PPP3CA: variants seen among roughly 807,000 people sequenced by gnomAD.
PPP3CA encodes the protein protein phosphatase 3 catalytic subunit alpha.
PPP3CA carries 14 observed loss-of-function variants against 66.5 expected under a neutral mutation model. That is an observed-to-expected ratio of 0.21 (90% CI 0.14 to 0.33). PPP3CA has a LOEUF of 0.33. Ranked by LOEUF, PPP3CA falls within the 10% of genes least tolerant of loss-of-function variation. The pLI, the probability that PPP3CA is intolerant of heterozygous loss-of-function variation, is 1.00. For synonymous variants in PPP3CA, 232 were observed against 226.2 expected (o/e 1.03, Z -0.23); for missense variants, 317 against 639.5 (o/e 0.50, Z 5.44).
At position 101,067,597 on chromosome 4, in the gene PPP3CA, T is replaced by G. The variant is rs377338094; in HGVS notation, c.956-4240A>C. 2.6e-4 allele frequency among the ~76,000 whole-genome samples: 38 copies of G among 143,734 alleles called. No individual in the cohort carries two copies. The East Asian group carries it at 7.2e-3, about 27-fold the overall frequency. 94.3% of individuals were successfully genotyped at this position (143,734 alleles called of 152,430 possible). ...CATGAAAACATTTCGCAACATGCTCTCTACAATTTCCATCACCCAGGGAAA... is the reference window on the plus strand; with the variant it reads ...CATGAAAACATTTCGCAACATGCTCGCTACAATTTCCATCACCCAGGGAAA... On this transcript the variant is annotated intron_variant, in intron 8 of 13. Transcript: ENST00000394854.
chr4:101,047,113 T>C (rs1334759578), intron 10 of PPP3CA, among the ~76,000 whole-genome samples: 2 of 152,178 alleles, frequency 1.3e-5, no homozygotes, highest in East Asian at 3.9e-4. Flanking sequence ...TAACAAACCT[T>C]GAGCTCTTAT....
At chr4:101,125,493 A>T (rs796540702) in intron 2 of PPP3CA, among the ~76,000 whole-genome samples, 19 of 152,112 alleles carry the variant, frequency 1.2e-4, no homozygotes, top group African/African-American at 4.3e-4. Flanking sequence ...CACTGCATCC[A>T]GGGAATGGTG....
chr4:101,299,678 C>T (rs977386825), intron 1 of PPP3CA, among the ~76,000 whole-genome samples: 1 of 152,094 alleles, frequency 6.6e-6, no homozygotes, highest in Non-Finnish European at 1.5e-5. Flanking sequence ...CTTTGGAATG[C>T]TAAAGGACAG....
At chr4:101,085,557 T>G (rs1440446603) in intron 6 of PPP3CA, among the ~76,000 whole-genome samples, 1 of 152,152 alleles carries the variant, frequency 6.6e-6, no homozygotes, top group Non-Finnish European at 1.5e-5. Context: ...CATTATTGAC[T>G]TGGAGGGAAT....
At chr4:101,102,512 G>T (rs1021412776) in intron 3 of PPP3CA, among the ~76,000 whole-genome samples, 1 of 152,104 alleles carries the variant, frequency 6.6e-6, no homozygotes, top group Non-Finnish European at 1.5e-5. Flanking sequence ...GGAAGAAGTG[G>T]CATGGTAAAT....
At chr4:101,168,771 C>A (rs1245543202) in intron 2 of PPP3CA, among the ~76,000 whole-genome samples, 1 of 152,172 alleles carries the variant, frequency 6.6e-6, no homozygotes, top group African/African-American at 2.4e-5. Flanking sequence ...ATATATACGT[C>A]TCCTTAAAAA....
chr4:101,278,646 C>T (rs1286643955), intron 1 of PPP3CA, among the ~76,000 whole-genome samples: 1 of 152,182 alleles, frequency 6.6e-6, no homozygotes, highest in African/African-American at 2.4e-5. Context: ...TGAGGTGTGT[C>T]GGCAATGTTA....
intron 7 of PPP3CA, among the ~76,000 whole-genome samples, chr4:101,082,226 A>G (rs928546606): frequency 2.0e-5 from 3 of 152,224 alleles, no homozygotes; most frequent in Admixed American, 2.0e-4. Context: ...ATCAGCTACA[A>G]AACAGTGAGT....
At chr4:101,173,309 A>G (rs555472870) in intron 2 of PPP3CA, among the ~76,000 whole-genome samples, 48 of 152,098 alleles carry the variant, frequency 3.2e-4, no homozygotes, top group Non-Finnish European at 4.1e-4. Flanking sequence ...GCCTGTGGTA[A>G]GAGAGAGGCT....
intron 2 of PPP3CA, among the ~76,000 whole-genome samples, chr4:101,161,287 A>G (rs1723499806): frequency 6.6e-6 from 1 of 152,128 alleles, no homozygotes. Flanking sequence ...ATTTCTCAGG[A>G]TGTTTCCCTG....
intron 1 of PPP3CA, among the ~76,000 whole-genome samples, chr4:101,262,244 A>C (rs1435322187): frequency 1.3e-5 from 2 of 152,114 alleles, no homozygotes; most frequent in Admixed American, 1.3e-4. Context: ...GAAGCACTTT[A>C]AGTGAAATTA....
chr4:101,187,360 T>C (rs1440355157), intron 2 of PPP3CA, among the ~76,000 whole-genome samples: 3 of 152,148 alleles, frequency 2.0e-5, no homozygotes, highest in Admixed American at 2.0e-4. Context: ...TGCCACCACG[T>C]CCTTAATAAA....
At position 101,302,430 on chromosome 4, in the gene PPP3CA, T is replaced by TA. The variant is rs1375386548; in HGVS notation, c.58+44308dup. On this transcript the variant is annotated intron_variant, in intron 1 of 13. Coordinates refer to ENST00000394854, the MANE Select transcript of PPP3CA (RefSeq NM_000944.5). ...AAACTTTTCTAAGTTAGCACACTAT[T>TA]ACAGAGTGATGACTGTTAATCTGTA... 4.6e-5 allele frequency among the ~76,000 whole-genome samples: 7 copies of TA among 152,256 alleles called. No homozygotes were observed. In the East Asian group the frequency reaches 1.3e-3, roughly 29 times the overall value.
At chr4:101,108,583 T>C (rs984601993) in intron 3 of PPP3CA, among the ~76,000 whole-genome samples, 3 of 152,154 alleles carry the variant, frequency 2.0e-5, no homozygotes, top group South Asian at 2.1e-4. Context: ...CTGGCCAACA[T>C]GGTGAAACTC....
intron 2 of PPP3CA, among the ~76,000 whole-genome samples, chr4:101,177,474 TA>T (rs1365444022): frequency 2.0e-5 from 3 of 152,142 alleles, no homozygotes; most frequent in Non-Finnish European, 4.4e-5. Flanking sequence ...TAGTTTTCAC[TA>T]ATACTATTAT....
At chr4:101,300,689 C>T (rs143174278) in intron 1 of PPP3CA, among the ~76,000 whole-genome samples, 78 of 152,052 alleles carry the variant, frequency 5.1e-4, no homozygotes, top group Middle Eastern at 3.4e-3. Flanking sequence ...TTCAGCTGCT[C>T]GAGAAGCTGG....
intron 2 of PPP3CA, among the ~76,000 whole-genome samples, chr4:101,124,733 A>G (rs866906514): frequency 1.2e-3 from 80 of 69,228 alleles, no homozygotes; most frequent in East Asian, 2.9e-3. Flanking sequence ...AAGAGAAAGA[A>G]AGAAAGAAAG....
intron 1 of PPP3CA, among the ~76,000 whole-genome samples, chr4:101,263,834 A>G (rs1230583742): frequency 1.3e-5 from 2 of 152,202 alleles, no homozygotes. Context: ...CTACTAAGGT[A>G]CCATTCAAGG....
intron 10 of PPP3CA, among the ~76,000 whole-genome samples, chr4:101,041,434 T>G (rs1727514674): frequency 7.2e-6 from 1 of 139,532 alleles, no homozygotes; most frequent in African/African-American, 2.7e-5. Context: ...CACAAATTTT[T>G]TTTTTTTTTT....
Sources: allele counts gnomAD v4.1 joint callset (sites outside exome capture counted in the v4.1 genomes callset), GRCh38; gene constraint gnomAD v4.1.1; transcripts MANE v1.5; gene names NCBI Gene and HGNC (gene_info 2026-07-23, HGNC 2026-07-21).